ABI3BP: variants seen among roughly 807,000 people sequenced by gnomAD.
ABI3BP encodes target of Nesh-SH3.
A neutral mutation model predicts 268.6 loss-of-function variants in ABI3BP; 216 were observed. That is an observed-to-expected ratio of 0.80 (90% CI 0.72 to 0.90). The LOEUF (loss-of-function observed/expected upper bound fraction) is 0.90. ABI3BP is among the 40% of genes least tolerant of loss of function. The pLI is 0.00. For missense variants in ABI3BP, 2,090 were observed against 2,182.4 expected (o/e 0.96, Z 0.84); for synonymous variants, 730 against 730.0 (o/e 1.00, Z 0.00).
intron 29 of ABI3BP, 67 bp downstream of exon 29, chr3:100,834,617 T>C: frequency 6.8e-7 from 1 of 1,460,038 alleles, no homozygotes; most frequent in South Asian, 1.2e-5. Flanking sequence ...AAGTGGCATG[T>C]TAAACTGCCA....
At chr3:100,764,362 G>A (rs72930646) in intron 63 of ABI3BP, among the ~76,000 whole-genome samples, 2 of 152,188 alleles carry the variant, frequency 1.3e-5, no homozygotes, top group Non-Finnish European at 2.9e-5. Context: ...CTCTAGCCTT[G>A]AGTTCAAGGG....
chr3:100,801,425 CAAAA>C (rs68171311), intron 51 of ABI3BP, among the ~76,000 whole-genome samples: 5 of 87,530 alleles, frequency 5.7e-5, no homozygotes, highest in East Asian at 2.7e-4. Flanking sequence ...GATATCCTGT[CAAAA>C]AAAAAAAAAA....
At chr3:100,897,585 A>C (rs2048310093) in intron 4 of ABI3BP, among the ~76,000 whole-genome samples, 1 of 152,208 alleles carries the variant, frequency 6.6e-6, no homozygotes, top group South Asian at 2.1e-4. Context: ...GACTCCATTT[A>C]TATGGAATTC....
chr3:100,934,303 G>T (rs149184906), intron 1 of ABI3BP, among the ~76,000 whole-genome samples: 206 of 152,092 alleles, frequency 1.4e-3, no homozygotes, highest in African/African-American at 4.6e-3. Flanking sequence ...CCCTACAAAG[G>T]ACATGAACTC....
intron 2 of ABI3BP, among the ~76,000 whole-genome samples, chr3:100,910,554 A>G (rs2055951953): frequency 6.6e-6 from 1 of 151,676 alleles, no homozygotes; most frequent in Non-Finnish European, 1.5e-5. Flanking sequence ...TTTTAAAAAA[A>G]AAATAGAGAT....
chr3:100,931,390 C>T (rs2153664880), intron 1 of ABI3BP, among the ~76,000 whole-genome samples: 1 of 152,082 alleles, frequency 6.6e-6, no homozygotes, highest in East Asian at 1.9e-4. Flanking sequence ...AAAAGACATA[C>T]AAATAGGAAG....
At chr3:100,936,696 T>C (rs967492632) in intron 1 of ABI3BP, among the ~76,000 whole-genome samples, 2 of 152,108 alleles carry the variant, frequency 1.3e-5, no homozygotes, top group African/African-American at 4.8e-5. Flanking sequence ...TTCTTCCTGG[T>C]TTAGTCTTGG....
intron 1 of ABI3BP, among the ~76,000 whole-genome samples, chr3:100,938,758 C>A (rs963978499): frequency 1.3e-5 from 2 of 152,032 alleles, no homozygotes; most frequent in Non-Finnish European, 2.9e-5. Context: ...GTGTTTTCAC[C>A]AGTGCTGAAA....
At chr3:100,927,574 T>C (rs1315765610) in intron 1 of ABI3BP, among the ~76,000 whole-genome samples, 1 of 152,150 alleles carries the variant, frequency 6.6e-6, no homozygotes, top group Non-Finnish European at 1.5e-5. Context: ...GGAACTTTCA[T>C]GGCAGAAGGT....
At chr3:100,821,193 T>TA in intron 38 of ABI3BP, 80 bp from the exon 39 acceptor site, 1 of 1,219,112 alleles carries the variant, frequency 8.2e-7, no homozygotes, top group South Asian at 1.3e-5. Context: ...AAATGAGTCT[T>TA]ACTAGTATAA....
rs72930666 is a variant in ABI3BP at position 100,776,727 on chromosome 3, G to T, written c.4334-1392C>A. Among the ~76,000 whole-genome samples, 1,289 of 152,294 alleles carry T rather than the reference G, an allele frequency of 8.5e-3. 15 individuals are homozygous for T. The highest frequency in any genetic ancestry group is 0.018 in the African/African-American group (767 of 41,566). On this transcript the variant is annotated intron_variant, in intron 59 of 67. Transcript: ENST00000471714. ...GTGGAGGGTGAGGGTGGAGAGCAGGGACTAGGGTTCATCTCAGAAGTGGAA... is the reference window on the plus strand; with the variant it reads ...GTGGAGGGTGAGGGTGGAGAGCAGGTACTAGGGTTCATCTCAGAAGTGGAA...
At chr3:100,944,616 T>G (rs571999297) in intron 1 of ABI3BP, among the ~76,000 whole-genome samples, 12 of 152,296 alleles carry the variant, frequency 7.9e-5, no homozygotes, top group Non-Finnish European at 1.8e-4. Context: ...ATAAATCTGA[T>G]TTTTTAAAGT....
At chr3:100,931,660 G>A (rs2063692158) in intron 1 of ABI3BP, among the ~76,000 whole-genome samples, 1 of 151,884 alleles carries the variant, frequency 6.6e-6, no homozygotes, top group Non-Finnish European at 1.5e-5. Context: ...GGAGGTAAAA[G>A]ATCTCTACAA....
At chr3:100,904,580 G>C (rs575394418) in intron 2 of ABI3BP, among the ~76,000 whole-genome samples, 1 of 152,296 alleles carries the variant, frequency 6.6e-6, no homozygotes, top group African/African-American at 2.4e-5. Flanking sequence ...GGGACACACA[G>C]AGCTGTGAGA....
In ABI3BP at chr3:100,918,031, G is replaced by A. The variant is rs568790456; in HGVS notation, c.259+8271C>T. Among the ~76,000 whole-genome samples the A allele has an allele frequency of 5.9e-5, 9 of 151,646 alleles. No homozygotes were observed. The East Asian group carries it at 7.8e-4, about 13-fold the overall frequency. On this transcript the variant is annotated intron_variant, in intron 2 of 67. Transcript: ENST00000471714. ...AAGCTGAAGTTCTGGTAAATTTTGCGCCTTGGAGGAAAAAAAAATCAAATG... is the reference window on the plus strand; with the variant it reads ...AAGCTGAAGTTCTGGTAAATTTTGCACCTTGGAGGAAAAAAAAATCAAATG...
chr3:100,906,443 G>A (rs2053488869), intron 2 of ABI3BP, among the ~76,000 whole-genome samples: 2 of 152,064 alleles, frequency 1.3e-5, no homozygotes, highest in African/African-American at 2.4e-5. Context: ...ACACAGGTGT[G>A]GAAAAATAAG....
At chr3:100,887,822 C>A (rs367760888) in intron 4 of ABI3BP, among the ~76,000 whole-genome samples, 1 of 152,044 alleles carries the variant, frequency 6.6e-6, no homozygotes, top group African/African-American at 2.4e-5. Flanking sequence ...CTTGGTGATG[C>A]AAAACAATCC....
intron 2 of ABI3BP, among the ~76,000 whole-genome samples, chr3:100,913,914 C>T (rs1306020350): frequency 6.6e-6 from 1 of 152,094 alleles, no homozygotes; most frequent in African/African-American, 2.4e-5. Flanking sequence ...AACATGGAAA[C>T]ATAGTAATTG....
intron 4 of ABI3BP, among the ~76,000 whole-genome samples, chr3:100,889,178 C>T (rs1168719593): frequency 6.6e-6 from 1 of 152,074 alleles, no homozygotes; most frequent in Non-Finnish European, 1.5e-5. Context: ...TACATTTGCA[C>T]AGGGCTTATG....
Sources: allele counts gnomAD v4.1 joint callset (sites outside exome capture counted in the v4.1 genomes callset), GRCh38; gene constraint gnomAD v4.1.1; transcripts MANE v1.5; gene names NCBI Gene and HGNC (gene_info 2026-07-23, HGNC 2026-07-21).